CA10: variants seen among roughly 807,000 people sequenced by gnomAD.
The protein encoded by CA10 is carbonic anhydrase 10 (inactive), also known as carbonic anhydrase-related protein 10.
Under a neutral mutation model 44.2 loss-of-function variants are expected in CA10, and 14 were observed. The ratio of observed to expected loss-of-function variants is 0.32; its 90% CI spans 0.21 to 0.50. The LOEUF (loss-of-function observed/expected upper bound fraction) is 0.50. Among genes scored for constraint, CA10 ranks in the 20% least tolerant of loss-of-function variants. CA10 has a pLI of 0.99. For synonymous variants in CA10, 159 were observed against 141.6 expected, an observed-to-expected ratio of 1.12 and a Z score of -0.87; for missense variants, 350 against 409.7, an observed-to-expected ratio of 0.85 and a Z score of 1.26.
At chr17:51,708,524 T>C (rs1268001317) in intron 4 of CA10, among the ~76,000 whole-genome samples, 1 of 152,200 alleles carries the variant, frequency 6.6e-6, no homozygotes, top group Non-Finnish European at 1.5e-5. Context: ...CAGTGACGTA[T>C]ACTATCAAAA....
chr17:51,707,570 C>A (rs1236964153), intron 4 of CA10, among the ~76,000 whole-genome samples: 1 of 152,058 alleles, frequency 6.6e-6, no homozygotes, highest in Non-Finnish European at 1.5e-5. Context: ...TATTCATCCA[C>A]TTACCAGGGG....
At chr17:51,793,743 C>T (rs1006788960) in intron 3 of CA10, among the ~76,000 whole-genome samples, 1 of 152,160 alleles carries the variant, frequency 6.6e-6, no homozygotes. Context: ...ATTTCTTTTC[C>T]CTTGTGTCTT....
chr17:52,001,677 T>C (rs1360783036), intron 2 of CA10, among the ~76,000 whole-genome samples: 1 of 151,952 alleles, frequency 6.6e-6, no homozygotes, highest in Non-Finnish European at 1.5e-5. Context: ...TGGATTTGTG[T>C]TTTCTTTAGG....
intron 3 of CA10, among the ~76,000 whole-genome samples, chr17:51,824,824 A>G (rs1230634524): frequency 6.6e-6 from 1 of 152,236 alleles, no homozygotes; most frequent in Non-Finnish European, 1.5e-5. Flanking sequence ...ACTATGGTGG[A>G]CTGATCATAT....
rs1365584949 is a variant in CA10 at position 51,820,366 on chromosome 17, A to C, written c.280-72548T>G. Among the ~76,000 whole-genome samples the C allele has an allele frequency of 2.0e-5, 3 of 146,860 alleles. No homozygotes were observed. In the East Asian group the frequency reaches 6.2e-4, roughly 31 times the overall value. ...ATGACTCATGGGGTATAATCTTCTGAAGGCAATGAACTTGTTTTATAAACC... is the reference window on the plus strand; with the variant it reads ...ATGACTCATGGGGTATAATCTTCTGCAGGCAATGAACTTGTTTTATAAACC... On this transcript the variant is annotated intron_variant, in intron 3 of 8. Coordinates refer to ENST00000451037, the MANE Select transcript of CA10 (RefSeq NM_020178.5).
intron 1 of CA10, among the ~76,000 whole-genome samples, chr17:52,097,936 T>C (rs1165521897): frequency 2.0e-5 from 3 of 152,194 alleles, no homozygotes; most frequent in Non-Finnish European, 2.9e-5. Flanking sequence ...TCCACTGTCA[T>C]AGTCCTCTTG....
chr17:52,101,195 A>G (rs879860325), intron 1 of CA10, among the ~76,000 whole-genome samples: 5 of 152,066 alleles, frequency 3.3e-5, no homozygotes, highest in Non-Finnish European at 5.9e-5. Flanking sequence ...CCTTCTCCCA[A>G]CCCAGCCACT....
At chr17:52,094,060 C>T (rs946841561) in intron 1 of CA10, among the ~76,000 whole-genome samples, 1 of 152,030 alleles carries the variant, frequency 6.6e-6, no homozygotes, top group Non-Finnish European at 1.5e-5. Context: ...AACCAAACAC[C>T]GCATGTTCTC....
At chr17:51,912,409 G>GT (rs1981826045) in intron 3 of CA10, among the ~76,000 whole-genome samples, 1 of 152,058 alleles carries the variant, frequency 6.6e-6, no homozygotes, top group African/African-American at 2.4e-5. Flanking sequence ...TGCATTCCTT[G>GT]TTTTCATGCA....
intron 4 of CA10, among the ~76,000 whole-genome samples, chr17:51,719,844 C>A (rs545431456): frequency 6.6e-6 from 1 of 152,160 alleles, no homozygotes; most frequent in South Asian, 2.1e-4. Flanking sequence ...GAGCTGTAAT[C>A]CCACAACTGC....
rs559475330 is a variant in CA10 at position 52,135,984 on chromosome 17, C to A, written c.61+21742G>T. 2.8e-4 allele frequency among the ~76,000 whole-genome samples: 42 copies of A among 152,260 alleles called. No homozygotes were observed. In the South Asian group the frequency reaches 5.0e-3, roughly 18 times the overall value. ...CTCTTTGCATAGGCTGCTATTGTTTCCTCCAATAAGCTCTCCAAATAAATA... is the reference window on the plus strand; with the variant it reads ...CTCTTTGCATAGGCTGCTATTGTTTACTCCAATAAGCTCTCCAAATAAATA... On this transcript the variant is annotated intron_variant, in intron 1 of 8. Coordinates refer to ENST00000451037, the MANE Select transcript of CA10 (RefSeq NM_020178.5).
At chr17:52,044,006 T>G (rs1051363987) in intron 2 of CA10, among the ~76,000 whole-genome samples, 2 of 152,140 alleles carry the variant, frequency 1.3e-5, no homozygotes, top group African/African-American at 4.8e-5. Context: ...GATGTTGGCC[T>G]GTAATGTTCT....
At chr17:51,835,913 T>G (rs1033745786) in intron 3 of CA10, among the ~76,000 whole-genome samples, 1 of 151,842 alleles carries the variant, frequency 6.6e-6, no homozygotes, top group African/African-American at 2.4e-5. Context: ...GCTAGAAGGG[T>G]AAGAATTAGC....
At chr17:51,788,578 AAT>A (rs1437364410) in intron 3 of CA10, among the ~76,000 whole-genome samples, 1 of 152,232 alleles carries the variant, frequency 6.6e-6, no homozygotes, top group Non-Finnish European at 1.5e-5. Flanking sequence ...CATGTATCAA[AAT>A]ATCACATACA....
Position 51,825,836 on chromosome 17 carries a change from C to T in CA10, c.280-78018G>A, listed in dbSNP as rs78800753. 5.9e-3 allele frequency among the ~76,000 whole-genome samples: 896 copies of T among 152,302 alleles called. 8 individuals carry two copies. Among genetic ancestry groups the T allele is most frequent in the African/African-American group, 0.02 (823 of 41,558 alleles). Reference sequence around the variant, plus strand: ...AACGTTGCACAACAGGCAGTATAGACGGTGGCTCGGACAGACTGAACCAGT... The same window carrying T: ...AACGTTGCACAACAGGCAGTATAGATGGTGGCTCGGACAGACTGAACCAGT... On this transcript the variant is annotated intron_variant, in intron 3 of 8. Coordinates refer to ENST00000451037, the MANE Select transcript of CA10 (RefSeq NM_020178.5).
chr17:51,815,233 G>A (rs1381375401), intron 3 of CA10, among the ~76,000 whole-genome samples: 4 of 152,106 alleles, frequency 2.6e-5, no homozygotes, highest in Non-Finnish European at 5.9e-5. Context: ...TGGTACAAGG[G>A]AAAGCCTTCT....
chr17:51,682,228 G>A (rs534452862), intron 4 of CA10, among the ~76,000 whole-genome samples: 20 of 152,270 alleles, frequency 1.3e-4, no homozygotes, highest in South Asian at 1.0e-3. Context: ...CTGCCATCGG[G>A]TTTCTAAAAA....
At chr17:51,698,303 G>C (rs1915471196) in intron 4 of CA10, among the ~76,000 whole-genome samples, 1 of 152,190 alleles carries the variant, frequency 6.6e-6, no homozygotes, top group African/African-American at 2.4e-5. Flanking sequence ...TGTGCTCCAA[G>C]CCTTTCAAGG....
At chr17:51,878,945 T>C (rs1307934079) in intron 3 of CA10, among the ~76,000 whole-genome samples, 5 of 142,220 alleles carry the variant, frequency 3.5e-5, no homozygotes, top group Admixed American at 1.4e-4. Flanking sequence ...TATATATATA[T>C]ATAATGAACA....
Sources: gnomAD v4.1 joint callset for allele counts (sites outside exome capture counted in the v4.1 genomes callset) on GRCh38, gnomAD v4.1.1 for gene constraint, MANE v1.5 for transcripts, NCBI Gene and HGNC (gene_info 2026-07-23, HGNC 2026-07-21) for gene names.